STK40: variants seen among roughly 807,000 people sequenced by gnomAD.
STK40 encodes the protein serine/threonine-protein kinase 40.
STK40 carries 13 observed loss-of-function variants against 47.9 expected under a neutral mutation model. The ratio of observed to expected loss-of-function variants is 0.27; its 90% confidence interval spans 0.18 to 0.43. The LOEUF is 0.43. Ranked by LOEUF, STK40 falls within the 20% of genes least tolerant of loss-of-function variation. The pLI is 1.00. For missense variants in STK40, 460 were observed against 595.1 expected (o/e 0.77, Z 2.36); for synonymous variants, 225 against 243.2 (o/e 0.93, Z 0.69).
At chr1:36,378,995 G>A (rs1208463617) in intron 1 of STK40, among the ~76,000 whole-genome samples, 1 of 152,078 alleles carries the variant, frequency 6.6e-6, no homozygotes, top group African/African-American at 2.4e-5. Context: ...GCGCTGAACC[G>A]AGCTTCTCCC....
rs1253194588 is a variant in STK40, at chr1:36,348,731, G to A, written c.708C>T (p.Ser236=). 2 of 1,610,374 alleles carry A rather than the reference G, an allele frequency of 1.2e-6. No homozygotes were observed. The highest frequency in any genetic ancestry group is 1.7e-5 in the Admixed American group (1 of 59,632). The stretch of plus-strand genomic sequence containing the variant: ...GCACGTCGGGACTGATGTAGGCAGG[G>A]CTCCCTCTCTGGTCCTTCAGCAGGT... ...EGDLLKDQRG[S]PAYISPDVLS... Residue 236 remains serine (S), a synonymous_variant, in exon 7 of 11, where the codon AGC becomes AGT. Transcript: ENST00000373132.
chr1:36,346,606 C>T (rs1646704665), intron 7 of STK40, among the ~76,000 whole-genome samples: 1 of 152,244 alleles, frequency 6.6e-6, no homozygotes, highest in East Asian at 1.9e-4. Flanking sequence ...CGTGATCACA[C>T]AGCTGGTTCA....
chr1:36,345,991 A>ATTTTTTTTTTT lies in STK40; in HGVS notation c.740-1738_740-1728dup, dbSNP rs143130232. 1.7e-3 allele frequency among the ~76,000 whole-genome samples: 44 copies of ATTTTTTTTTTT among 26,458 alleles called. 2 individuals are homozygous for ATTTTTTTTTTT. Among genetic ancestry groups the ATTTTTTTTTTT allele is most frequent in the African/African-American group, 2.8e-3 (20 of 7,144 alleles). 17.4% of individuals were successfully genotyped at this position (26,458 alleles called of 152,430 possible). ...TACATATATATATATATATATATAT[A>ATTTTTTTTTTT]TTTTTTTTTTTTTTTTTTCCTGAGA... On this transcript the variant is annotated intron_variant, in intron 7 of 10. Coordinates refer to ENST00000373132, the MANE Select transcript of STK40 (RefSeq NM_001282547.2).
chr1:36,347,220 G>A (rs535771459), intron 7 of STK40, among the ~76,000 whole-genome samples: 3 of 152,300 alleles, frequency 2.0e-5, no homozygotes, highest in African/African-American at 4.8e-5. Context: ...AGGCTGGCTC[G>A]GCCACTGCAC....
intron 10 of STK40, chr1:36,342,387 T>C (rs937423621): frequency 8.8e-5 from 22 of 250,036 alleles, no homozygotes; most frequent in South Asian, 8.4e-4. Context: ...CAGGGCCCCA[T>C]GCTGAGCTCC....
chr1:36,354,141 C>G lies in STK40; in HGVS notation c.623+223G>C, dbSNP rs546363061. 1.7e-3 allele frequency among the ~76,000 whole-genome samples: 255 copies of G among 152,238 alleles called. 1 individual carries two copies. Among genetic ancestry groups the G allele is most frequent in the African/African-American group, 5.3e-3 (221 of 41,518 alleles). On this transcript the variant is annotated intron_variant, in intron 6 of 10. Transcript: ENST00000373132. ...TGACAAATAAATGGACAAGGGAGAT[C>G]TAAAGTTCTTCCCAGAGCTCCCTTT...
At chr1:36,376,695 T>C (rs1395851486) in intron 1 of STK40, among the ~76,000 whole-genome samples, 1 of 152,216 alleles carries the variant, frequency 6.6e-6, no homozygotes, top group Non-Finnish European at 1.5e-5. Context: ...AAGATGTCTA[T>C]GTTACCAAAA....
At chr1:36,367,933 G>A in intron 1 of STK40, 1 of 977,772 alleles carries the variant, frequency 1.0e-6, no homozygotes, top group Non-Finnish European at 1.2e-6. Flanking sequence ...CCAGTTGGAG[G>A]TGAAGTGTGG....
chr1:36,342,275 G>A (rs1646656412), intron 10 of STK40: 2 of 409,258 alleles, frequency 4.9e-6, no homozygotes, highest in Non-Finnish European at 9.1e-6. Flanking sequence ...TAGCTGTCTG[G>A]CCCCTCGCAA....
At chr1:36,367,479 A>G (rs6680494) in intron 1 of STK40, among the ~76,000 whole-genome samples, 29,452 of 152,166 alleles carry the variant, frequency 0.19, 4,076 homozygotes, top group African/African-American at 0.39. Context: ...TAAAGCTACC[A>G]GGCAACGTGA....
At chr1:36,381,187 C>T (rs944770548) in intron 1 of STK40, among the ~76,000 whole-genome samples, 1 of 152,198 alleles carries the variant, frequency 6.6e-6, no homozygotes, top group Non-Finnish European at 1.5e-5. Context: ...GGACTCCAAC[C>T]TCTCCCCAAC....
chr1:36,355,787 G>A (rs1162737781), intron 4 of STK40, among the ~76,000 whole-genome samples: 1 of 152,232 alleles, frequency 6.6e-6, no homozygotes, highest in Non-Finnish European at 1.5e-5. Flanking sequence ...GGGAATCCAT[G>A]GCACCCAGAT....
chr1:36,346,408 G>C (rs1036273434), intron 7 of STK40, among the ~76,000 whole-genome samples: 3 of 152,212 alleles, frequency 2.0e-5, no homozygotes, highest in African/African-American at 7.2e-5. Flanking sequence ...ATGGTTATTA[G>C]CCAGACTATC....
chr1:36,351,293 T>G (rs373006725), intron 6 of STK40, among the ~76,000 whole-genome samples: 1 of 147,998 alleles, frequency 6.8e-6, no homozygotes, highest in East Asian at 1.9e-4. Flanking sequence ...CACCTCCCCC[T>G]GTCTGCTCCT....
At chr1:36,355,745 C>G (rs933661530) in intron 4 of STK40, among the ~76,000 whole-genome samples, 2 of 152,204 alleles carry the variant, frequency 1.3e-5, no homozygotes, top group African/African-American at 4.8e-5. Context: ...AGCCCAAGGG[C>G]CCTCTTAGCC....
chr1:36,362,360 G>A (rs1300449616), intron 1 of STK40, among the ~76,000 whole-genome samples: 4 of 152,174 alleles, frequency 2.6e-5, no homozygotes, highest in Admixed American at 6.5e-5. Flanking sequence ...GCAGGGCTCC[G>A]GGAAAATTTC....
chr1:36,379,033 C>T (rs1003405320), intron 1 of STK40, among the ~76,000 whole-genome samples: 1 of 152,186 alleles, frequency 6.6e-6, no homozygotes, highest in African/African-American at 2.4e-5. Flanking sequence ...CCTCAACACA[C>T]CTCACATCAG....
intron 1 of STK40, among the ~76,000 whole-genome samples, chr1:36,370,785 C>T (rs548148399): frequency 1.3e-5 from 2 of 152,250 alleles, no homozygotes; most frequent in Non-Finnish European, 2.9e-5. Context: ...GGTTCCAGGA[C>T]CTCTGACAGA....
intron 6 of STK40, among the ~76,000 whole-genome samples, chr1:36,351,929 T>C (rs1463888799): frequency 1.3e-5 from 2 of 152,224 alleles, no homozygotes; most frequent in African/African-American, 4.8e-5. Context: ...GGAGGGCACA[T>C]GGGCTCTGCA....
Sources: allele counts gnomAD v4.1 joint callset (sites outside exome capture counted in the v4.1 genomes callset), GRCh38; gene constraint gnomAD v4.1.1; transcripts MANE v1.5; gene names NCBI Gene and HGNC (gene_info 2026-07-23, HGNC 2026-07-21).